CTNNA3: variants seen among roughly 807,000 people sequenced by gnomAD.
The protein encoded by CTNNA3 is catenin alpha 3.
A neutral mutation model predicts 95.7 loss-of-function variants in CTNNA3; 76 were observed. The observed-to-expected ratio is 0.79, with a 90% CI of 0.66 to 0.96. The LOEUF (loss-of-function observed/expected upper bound fraction) is 0.96. Ranked by LOEUF, CTNNA3 falls within the 40% of genes least tolerant of loss-of-function variation. The pLI is 0.00. For synonymous variants in CTNNA3, 431 were observed against 374.4 expected (o/e 1.15, Z -1.74); for missense variants, 1,191 against 1,089.8 (o/e 1.09, Z -1.31).
chr10:67,531,090 T>C (rs1022081078), intron 4 of CTNNA3, among the ~76,000 whole-genome samples: 3 of 152,222 alleles, frequency 2.0e-5, no homozygotes, highest in Non-Finnish European at 2.9e-5. Context: ...AGAAGTTTGC[T>C]GCAGGGGCAG....
chr10:66,374,603 AGCCTT>A (rs2092779657), intron 12 of CTNNA3, among the ~76,000 whole-genome samples: 1 of 142,164 alleles, frequency 7.0e-6, no homozygotes, highest in Admixed American at 7.2e-5. Context: ...TTGAAAGAAA[AGCCTT>A]TTTTTTTTTT....
At chr10:67,614,084 A>T (rs1294307130) in intron 2 of CTNNA3, among the ~76,000 whole-genome samples, 1 of 152,170 alleles carries the variant, frequency 6.6e-6, no homozygotes, top group Non-Finnish European at 1.5e-5. Context: ...TGCTGGCTGG[A>T]GTGGCCAGCT....
At chr10:67,519,467 A>G (rs868286226) in intron 5 of CTNNA3, among the ~76,000 whole-genome samples, 7 of 152,194 alleles carry the variant, frequency 4.6e-5, no homozygotes, top group African/African-American at 1.7e-4. Flanking sequence ...TATCCAGGAA[A>G]CCAAAGGCTT....
At chr10:67,569,504 G>A (rs895283182) in intron 3 of CTNNA3, among the ~76,000 whole-genome samples, 18 of 152,142 alleles carry the variant, frequency 1.2e-4, no homozygotes, top group Non-Finnish European at 2.4e-4. Context: ...AAACTAAAAT[G>A]TGGCCTGAAA....
intron 12 of CTNNA3, among the ~76,000 whole-genome samples, chr10:66,358,992 TA>T (rs2092633014): frequency 6.6e-6 from 1 of 152,238 alleles, no homozygotes; most frequent in Non-Finnish European, 1.5e-5. Context: ...CTATTTAATA[TA>T]TCCTCAACCA....
chr10:67,558,260 G>C (rs1167097473), intron 3 of CTNNA3, among the ~76,000 whole-genome samples: 1 of 152,112 alleles, frequency 6.6e-6, no homozygotes, highest in East Asian at 1.9e-4. Context: ...TACTCCACTA[G>C]AAAGGAGCTG....
At chr10:66,076,732 T>A (rs1474875671) in intron 14 of CTNNA3, among the ~76,000 whole-genome samples, 2 of 151,702 alleles carry the variant, frequency 1.3e-5, no homozygotes, top group Non-Finnish European at 3.0e-5. Context: ...AATATAATAA[T>A]GATAGTGATT....
intron 15 of CTNNA3, among the ~76,000 whole-genome samples, chr10:65,997,576 G>A (rs1004625528): frequency 6.6e-6 from 1 of 152,168 alleles, no homozygotes; most frequent in African/African-American, 2.4e-5. Flanking sequence ...GAAAGAAATT[G>A]TCCTATAGGA....
intron 7 of CTNNA3, among the ~76,000 whole-genome samples, chr10:67,151,855 A>C (rs76710447): frequency 0.071 from 10,685 of 151,458 alleles, 489 homozygotes; most frequent in African/African-American, 0.13. Context: ...TCCATTAAAA[A>C]CTCTTGTTCT....
chr10:67,301,466 G>A (rs1290910306), intron 5 of CTNNA3, among the ~76,000 whole-genome samples: 1 of 152,094 alleles, frequency 6.6e-6, no homozygotes, highest in African/African-American at 2.4e-5. Context: ...ACTAAAAATA[G>A]AGCTATCATA....
At chr10:66,811,290 C>A (rs1330617392) in intron 7 of CTNNA3, among the ~76,000 whole-genome samples, 1 of 152,122 alleles carries the variant, frequency 6.6e-6, no homozygotes, top group African/African-American at 2.4e-5. Context: ...AGCAACACAG[C>A]TGCAGGAACT....
intron 5 of CTNNA3, among the ~76,000 whole-genome samples, chr10:67,243,968 C>T (rs1865811860): frequency 6.6e-6 from 1 of 152,158 alleles, no homozygotes; most frequent in Admixed American, 6.5e-5. Context: ...TAGGAACTAG[C>T]TGAGAGTAAC....
intron 16 of CTNNA3, among the ~76,000 whole-genome samples, chr10:65,971,302 A>C (rs1008673081): frequency 3.3e-5 from 5 of 151,812 alleles, no homozygotes; most frequent in Admixed American, 2.6e-4. Context: ...AGGAAAAGAA[A>C]AAATTAAAAT....
intron 12 of CTNNA3, among the ~76,000 whole-genome samples, chr10:66,324,745 C>A (rs976186483): frequency 6.6e-6 from 1 of 152,022 alleles, no homozygotes; most frequent in Non-Finnish European, 1.5e-5. Context: ...GAGAAGCCAT[C>A]ATTTAACCCG....
At chr10:67,237,886 C>T (rs1178553935) in intron 5 of CTNNA3, among the ~76,000 whole-genome samples, 1 of 152,120 alleles carries the variant, frequency 6.6e-6, no homozygotes, top group Non-Finnish European at 1.5e-5. Flanking sequence ...CAGGCAATAA[C>T]CCAGGTCTGG....
At chr10:66,619,454 C>A (rs1276748433) in intron 10 of CTNNA3, among the ~76,000 whole-genome samples, 1 of 116,600 alleles carries the variant, frequency 8.6e-6, no homozygotes, top group African/African-American at 2.9e-5. Flanking sequence ...AGCAAACTGT[C>A]GCAAGGACAA....
At chr10:66,629,306 A>G (rs1424211663) in intron 9 of CTNNA3, among the ~76,000 whole-genome samples, 3 of 152,102 alleles carry the variant, frequency 2.0e-5, no homozygotes, top group Non-Finnish European at 1.5e-5. Context: ...GACTCAAGGC[A>G]GAGAGCTACA....
chr10:67,302,047 GAAAGAAAGAAAGAAAGAA>G (rs1840333509), intron 5 of CTNNA3, among the ~76,000 whole-genome samples: 1 of 126,010 alleles, frequency 7.9e-6, no homozygotes, highest in Non-Finnish European at 1.6e-5. Flanking sequence ...AAGAAAGAAA[GAAAGAAAGAAAGAAAGAA>G]AGAAAGAAAG....
At chr10:66,550,698 A>G (rs184267580) in intron 10 of CTNNA3, among the ~76,000 whole-genome samples, 2 of 152,036 alleles carry the variant, frequency 1.3e-5, no homozygotes, top group African/African-American at 4.8e-5. Flanking sequence ...TTGTTCCTCT[A>G]TTCCCACTTC....
Sources: allele counts gnomAD v4.1 joint callset (sites outside exome capture counted in the v4.1 genomes callset), GRCh38; gene constraint gnomAD v4.1.1; transcripts MANE v1.5; gene names NCBI Gene and HGNC (gene_info 2026-07-23, HGNC 2026-07-21).